Variants in VMP1 observed in about 807,000 individuals in gnomAD.
The protein encoded by VMP1 is vacuole membrane protein 1.
A neutral mutation model predicts 56.0 loss-of-function variants in VMP1; 11 were observed. That is an observed-to-expected ratio of 0.20 (90% confidence interval 0.12 to 0.32). The LOEUF is 0.32. Among genes scored for constraint, VMP1 ranks in the 10% least tolerant of loss-of-function variants. VMP1 has a pLI of 1.00. For synonymous variants in VMP1, 149 were observed against 165.0 expected (o/e 0.90, Z 0.74); for missense variants, 296 against 490.3 (o/e 0.60, Z 3.74).
chr17:59,803,510 T>C lies in VMP1; in HGVS notation c.715-5286T>C, dbSNP rs538062589. ...TGAAAAAAGAAAAGTAGAAAATGAT[T>C]TGTAATTGCTAATTGTAAATGCATG... On this transcript the variant is annotated intron_variant, in intron 7 of 11. Coordinates refer to ENST00000262291, the MANE Select transcript of VMP1 (RefSeq NM_030938.5). 2.6e-5 allele frequency among the ~76,000 whole-genome samples: 4 copies of C among 152,346 alleles called. No homozygotes were observed. The East Asian group carries it at 7.7e-4, about 29-fold the overall frequency.
At chr17:59,801,128 G>A (rs1334115168) in intron 7 of VMP1, among the ~76,000 whole-genome samples, 10 of 146,960 alleles carry the variant, frequency 6.8e-5, no homozygotes, top group East Asian at 2.0e-4. Flanking sequence ...GTGTGTGTGT[G>A]TGTGTGTGTG....
intron 2 of VMP1, among the ~76,000 whole-genome samples, chr17:59,734,098 A>G (rs774765014): frequency 6.6e-6 from 1 of 152,212 alleles, no homozygotes; most frequent in African/African-American, 2.4e-5. Flanking sequence ...CTATAGCTCT[A>G]TCCCAAATTC....
chr17:59,782,955 C>T (rs894898510), intron 7 of VMP1, among the ~76,000 whole-genome samples: 9 of 152,098 alleles, frequency 5.9e-5, no homozygotes, highest in Non-Finnish European at 7.4e-5. Context: ...GTAATCCCAA[C>T]ACGCCCAAGG....
intron 1 of VMP1, among the ~76,000 whole-genome samples, chr17:59,728,450 C>G (rs1362788780): frequency 6.6e-6 from 1 of 152,028 alleles, no homozygotes; most frequent in African/African-American, 2.4e-5. Context: ...ATATATCTGA[C>G]TTTGAATTCT....
intron 7 of VMP1, among the ~76,000 whole-genome samples, chr17:59,781,688 G>T (rs1568135202): frequency 6.6e-6 from 1 of 151,876 alleles, no homozygotes; most frequent in Admixed American, 6.6e-5. Flanking sequence ...GCTATAACGG[G>T]TTTTTTTCTT....
chr17:59,726,303 G>GT (rs1036801831), intron 1 of VMP1, among the ~76,000 whole-genome samples: 9 of 122,528 alleles, frequency 7.3e-5, no homozygotes, highest in South Asian at 2.6e-4. Flanking sequence ...TTTTTTTTTT[G>GT]TTTTTTTTGA....
chr17:59,809,600 G>C (rs928745726), intron 8 of VMP1, among the ~76,000 whole-genome samples: 1 of 137,620 alleles, frequency 7.3e-6, no homozygotes, highest in African/African-American at 2.8e-5. Flanking sequence ...TCCGCCTCCC[G>C]GGTTCACGCC....
At chr17:59,804,121 A>T (rs1460673807) in intron 7 of VMP1, among the ~76,000 whole-genome samples, 1 of 152,094 alleles carries the variant, frequency 6.6e-6, no homozygotes, top group Non-Finnish European at 1.5e-5. Flanking sequence ...CCGCCAAATT[A>T]TACAAATAAT....
chr17:59,797,650 G>A (rs9893485), intron 7 of VMP1, among the ~76,000 whole-genome samples: 2,187 of 152,304 alleles, frequency 0.014, 46 homozygotes, highest in African/African-American at 0.049. Context: ...GCCAAGGCAG[G>A]CAGATCACCT....
At chr17:59,731,571 T>C (rs1168288493) in intron 2 of VMP1, 49 bp downstream of exon 2, 5 of 1,305,862 alleles carry the variant, frequency 3.8e-6, no homozygotes, top group Non-Finnish European at 5.2e-6. Flanking sequence ...TTAAATGATA[T>C]ACTTTTCATT....
chr17:59,827,506 G>A (rs560520826), intron 10 of VMP1, among the ~76,000 whole-genome samples: 1 of 151,758 alleles, frequency 6.6e-6, no homozygotes, highest in East Asian at 2.0e-4. Flanking sequence ...TACTAGAGTC[G>A]GGGTTTCACC....
At chr17:59,782,995 A>G (rs918504834) in intron 7 of VMP1, among the ~76,000 whole-genome samples, 2 of 152,092 alleles carry the variant, frequency 1.3e-5, no homozygotes, top group Non-Finnish European at 2.9e-5. Flanking sequence ...GGACATCGAG[A>G]CCATCCTGGC....
chr17:59,732,327 C>G (rs983554500), intron 2 of VMP1, among the ~76,000 whole-genome samples: 1 of 152,154 alleles, frequency 6.6e-6, no homozygotes, highest in African/African-American at 2.4e-5. Flanking sequence ...CTCACTGCAA[C>G]CTCCGCCTCC....
chr17:59,752,655 A>G (rs2035695850), intron 5 of VMP1, among the ~76,000 whole-genome samples: 1 of 152,198 alleles, frequency 6.6e-6, no homozygotes, highest in African/African-American at 2.4e-5. Context: ...AGTTTCATGT[A>G]ACCACTGGTA....
In VMP1 at chr17:59,775,099, G is replaced by A. The variant is rs186949594; in HGVS notation, c.714+1214G>A. Among the ~76,000 whole-genome samples, 17 of 152,132 alleles carry A rather than the reference G, an allele frequency of 1.1e-4. 1 individual carries two copies. In the East Asian group the frequency reaches 1.7e-3, roughly 16 times the overall value. On this transcript the variant is annotated intron_variant, in intron 7 of 11. Transcript: ENST00000262291. ...TGGGACTACAGGCGCCTGCCACCAC[G>A]CCTGGCTAACATTTTGTATTTTGTT...
At chr17:59,815,855 C>CA (rs71145576) in intron 9 of VMP1, among the ~76,000 whole-genome samples, 15,068 of 105,624 alleles carry the variant, frequency 0.14, 2,011 homozygotes, top group African/African-American at 0.34. Context: ...GACTCCGTCT[C>CA]AAAAAAAAAA....
chr17:59,758,852 T>C (rs1482882535), intron 5 of VMP1, among the ~76,000 whole-genome samples: 2 of 151,940 alleles, frequency 1.3e-5, no homozygotes, highest in Non-Finnish European at 2.9e-5. Context: ...CCCAGCACTT[T>C]GAGAGACTGA....
intron 10 of VMP1, among the ~76,000 whole-genome samples, chr17:59,821,386 A>G (rs2144274286): frequency 6.6e-6 from 1 of 152,334 alleles, no homozygotes; most frequent in South Asian, 2.1e-4. Flanking sequence ...TAGTTATGCT[A>G]AAATATTCAA....
intron 3 of VMP1, among the ~76,000 whole-genome samples, chr17:59,737,178 A>G (rs1219543032): frequency 6.6e-6 from 1 of 152,226 alleles, no homozygotes; most frequent in Admixed American, 6.5e-5. Context: ...CTATTATACT[A>G]TAATGCTTCT....
Sources: allele counts gnomAD v4.1 joint callset (sites outside exome capture counted in the v4.1 genomes callset), GRCh38; gene constraint gnomAD v4.1.1; transcripts MANE v1.5; gene names NCBI Gene and HGNC (gene_info 2026-07-23, HGNC 2026-07-21).